The following SPAG17 variants were observed in gnomAD, a reference collection of about 807,000 sequenced individuals.
The protein encoded by SPAG17 is sperm-associated antigen 17.
SPAG17 carries 169 observed loss-of-function variants against 273.6 expected under a neutral mutation model. The ratio of observed to expected loss-of-function variants is 0.62; its 90% CI spans 0.55 to 0.70. SPAG17 has a LOEUF of 0.70. Ranked by LOEUF, SPAG17 falls within the 30% of genes least tolerant of loss-of-function variation. The pLI, the probability that SPAG17 is intolerant of heterozygous loss-of-function variation, is 0.00. For synonymous variants in SPAG17, 825 were observed against 873.2 expected, an observed-to-expected ratio of 0.94 and a Z score of 0.97; for missense variants, 2,557 against 2,627.8, an observed-to-expected ratio of 0.97 and a Z score of 0.59.
intron 46 of SPAG17, among the ~76,000 whole-genome samples, chr1:117,966,967 T>C (rs993897358): frequency 2.0e-5 from 3 of 152,008 alleles, no homozygotes; most frequent in Non-Finnish European, 4.4e-5. Flanking sequence ...CCAGGGTAAA[T>C]TGTTGAAGGG....
At chr1:118,182,626 C>T (rs768923898) in intron 1 of SPAG17, among the ~76,000 whole-genome samples, 3 of 152,230 alleles carry the variant, frequency 2.0e-5, no homozygotes, top group Non-Finnish European at 4.4e-5. Context: ...ATTTCCTTGA[C>T]GGAATTAATT....
chr1:118,099,865 G>A lies in SPAG17; in HGVS notation c.635-65C>T, dbSNP rs1459024297. ...AAAGAGAGCAGGTTGCACTCAGCCA[G>A]TTCAATGGCTATATACATTATGCAT... On this transcript the variant is annotated intron_variant, in intron 5 of 48. Coordinates refer to ENST00000336338, the MANE Select transcript of SPAG17 (RefSeq NM_206996.4). The A allele has an allele frequency of 8.0e-6, 11 of 1,374,544 alleles. No homozygotes were observed. In the South Asian group the frequency reaches 8.6e-5, roughly 11 times the overall value. 85.1% of individuals were successfully genotyped at this position (1,374,544 alleles called of 1,614,324 possible). A position where few individuals can be genotyped will look rare whatever the true frequency, so the allele number is the denominator to read the frequency against.
chr1:118,085,513 C>T (rs1273889018), intron 13 of SPAG17, among the ~76,000 whole-genome samples: 5 of 152,158 alleles, frequency 3.3e-5, no homozygotes, highest in East Asian at 1.9e-4. Context: ...TGCGTGCATG[C>T]GTGCGTGCAT....
chr1:118,180,160 G>GTA (rs1660875861), intron 1 of SPAG17, among the ~76,000 whole-genome samples: 1 of 151,976 alleles, frequency 6.6e-6, no homozygotes, highest in Non-Finnish European at 1.5e-5. Flanking sequence ...TATTGCAGCA[G>GTA]TATTCACAAT....
At chr1:117,959,421 G>C (rs866947264) in intron 48 of SPAG17, 1 of 1,612,840 alleles carries the variant, frequency 6.2e-7, no homozygotes. Context: ...GAAAAAGAGG[G>C]AGAAGTTGAT....
At chr1:117,955,444 A>G (rs900652326) in intron 48 of SPAG17, 2 of 1,258,354 alleles carry the variant, frequency 1.6e-6, no homozygotes, top group South Asian at 1.3e-5. Flanking sequence ...AATAGAAATT[A>G]TAATTGATGG....
intron 18 of SPAG17, among the ~76,000 whole-genome samples, chr1:118,058,470 AT>A (rs1651938641): frequency 6.6e-6 from 1 of 152,192 alleles, no homozygotes; most frequent in Non-Finnish European, 1.5e-5. Context: ...GCTTCCCAAA[AT>A]GCTGGGAATA....
intron 3 of SPAG17, among the ~76,000 whole-genome samples, chr1:118,141,089 A>C (rs2102322163): frequency 6.6e-6 from 1 of 152,308 alleles, no homozygotes; most frequent in Non-Finnish European, 1.5e-5. Context: ...GATTTAAAGC[A>C]ATGAAACTAA....
chr1:118,151,126 T>G, intron 2 of SPAG17, 103 bp downstream of exon 2: 1 of 1,052,220 alleles, frequency 9.5e-7, no homozygotes, highest in Non-Finnish European at 1.2e-6. Flanking sequence ...CCATCAAAAT[T>G]TACAAAACAG....
chr1:118,123,508 T>C (rs1657535255), intron 3 of SPAG17, among the ~76,000 whole-genome samples: 2 of 152,312 alleles, frequency 1.3e-5, no homozygotes, highest in South Asian at 4.1e-4. Flanking sequence ...ATAGGTTCCA[T>C]ATAGATCATA....
chr1:118,075,613 C>T (rs1236235460), intron 15 of SPAG17, among the ~76,000 whole-genome samples: 1 of 152,146 alleles, frequency 6.6e-6, no homozygotes, highest in Non-Finnish European at 1.5e-5. Flanking sequence ...TGGGAATATA[C>T]TTTGATGCTG....
At chr1:117,984,963 ATCAC>A (rs899073440) in intron 40 of SPAG17, among the ~76,000 whole-genome samples, 181 bp from the exon 41 acceptor site, 3 of 152,226 alleles carry the variant, frequency 2.0e-5, no homozygotes, top group Non-Finnish European at 2.9e-5. Context: ...TTCTTTTAGA[ATCAC>A]TCACATTTCC....
Position 118,005,631 on chromosome 1 carries a change from A to G in SPAG17, c.4588-29T>C, listed in dbSNP as rs903478463. 3 of 1,384,324 alleles carry G rather than the reference A, an allele frequency of 2.2e-6. No individual in the cohort carries two copies. In the African/African-American group the frequency reaches 4.5e-5, roughly 21 times the overall value. The allele number at this position is 1,384,324 out of a possible 1,614,324, so 85.8% of individuals were successfully genotyped here. A position where few individuals can be genotyped will look rare whatever the true frequency, so the allele number is the denominator to read the frequency against. ...AAAGAGTAACAGAAAGACAGAAATT[A>G]TTAAAATTTTCTTGTTAAATATGTG... On this transcript the variant is annotated intron_variant, in intron 31 of 48. Transcript: ENST00000336338.
intron 3 of SPAG17, among the ~76,000 whole-genome samples, chr1:118,133,204 A>G (rs1658152043): frequency 6.6e-6 from 1 of 152,112 alleles, no homozygotes; most frequent in Admixed American, 6.5e-5. Flanking sequence ...AGTGCTCAAA[A>G]ATGAAGGAAA....
chr1:118,150,495 CT>C, intron 3 of SPAG17, 47 bp downstream of exon 3: 1 of 1,087,288 alleles, frequency 9.2e-7, no homozygotes, highest in South Asian at 1.7e-5. Flanking sequence ...TACTTCAATT[CT>C]TTTTTCTAAA....
chr1:118,180,649 T>C (rs988350320), intron 1 of SPAG17, among the ~76,000 whole-genome samples: 4 of 152,084 alleles, frequency 2.6e-5, no homozygotes, highest in African/African-American at 4.8e-5. Flanking sequence ...ATCCTACTTA[T>C]AGTCATTTGA....
At chr1:118,076,615 C>A (rs1654120983) in intron 15 of SPAG17, 1 of 152,018 alleles carries the variant, frequency 6.6e-6, no homozygotes, top group Non-Finnish European at 1.5e-5. Context: ...AAGGATCCAG[C>A]AGAAAAAGTC....
At chr1:118,165,874 ACCT>A (rs1414172826) in intron 1 of SPAG17, among the ~76,000 whole-genome samples, 2 of 151,882 alleles carry the variant, frequency 1.3e-5, no homozygotes, top group Non-Finnish European at 2.9e-5. Context: ...CAATCTCCTG[ACCT>A]CCTGATCCAC....
At chr1:118,149,575 G>A (rs1659259875) in intron 3 of SPAG17, among the ~76,000 whole-genome samples, 2 of 152,186 alleles carry the variant, frequency 1.3e-5, no homozygotes, top group South Asian at 4.1e-4. Context: ...TTGGCATGAT[G>A]GTGAGCGCCG....
Sources: allele counts gnomAD v4.1 joint callset (sites outside exome capture counted in the v4.1 genomes callset), GRCh38; gene constraint gnomAD v4.1.1; transcripts MANE v1.5; gene names NCBI Gene and HGNC (gene_info 2026-07-23, HGNC 2026-07-21).